The following NDUFB10 variants were observed in gnomAD, a reference collection of about 807,000 sequenced individuals.
The protein encoded by NDUFB10 is NADH dehydrogenase [ubiquinone] 1 beta subcomplex subunit 10.
NDUFB10 carries 23 observed loss-of-function variants against 19.0 expected under a neutral mutation model. The ratio of observed to expected loss-of-function variants is 1.21; its 90% CI spans 0.87 to 1.71. The LOEUF (loss-of-function observed/expected upper bound fraction) is 1.71. NDUFB10 is among the 40% of genes most tolerant of loss of function. The pLI is 0.00. For missense variants in NDUFB10, 312 were observed against 230.6 expected (o/e 1.35, Z -2.29); for synonymous variants, 104 against 81.8 (o/e 1.27, Z -1.46).
chr16:1,960,859 C>T (rs1028509901), intron 1 of NDUFB10, among the ~76,000 whole-genome samples: 2 of 152,202 alleles, frequency 1.3e-5, no homozygotes, highest in African/African-American at 2.4e-5. Context: ...CCAGTCCTTG[C>T]CATCTGTGAG....
chr16:1,960,894 G>T (rs928120319), intron 1 of NDUFB10, among the ~76,000 whole-genome samples: 2 of 152,218 alleles, frequency 1.3e-5, no homozygotes, highest in Non-Finnish European at 2.9e-5. Context: ...AGGCTTGTGT[G>T]GGGGACAGAG....
Position 1,961,643 on chromosome 16 carries a change from G to GGGCCCCCCCCCCCCCCCCCCCCCCCCCC in NDUFB10, c.409+7_409+8insGGCCCCCCCCCCCCCCCCCCCCCCCCCC. 1 of 1,547,196 alleles carries GGGCCCCCCCCCCCCCCCCCCCCCCCCCC rather than the reference G, an allele frequency of 6.5e-7. No homozygotes were observed. The highest frequency in any genetic ancestry group is 8.8e-7 in the Non-Finnish European group (1 of 1,141,054). ...AAGGCCTACCAGGACCGCTGTGCGT[G>GGGCCCCCCCCCCCCCCCCCCCCCCCCCC]CCCCACCCACCCCCAACCCCCCACC... On this transcript the variant is annotated splice_region_variant and intron_variant, in intron 3 of 3. Transcript: ENST00000268668.
At chr16:1,959,903 C>T in intron 1 of NDUFB10, 149 bp downstream of exon 1, 5 of 1,077,712 alleles carry the variant, frequency 4.6e-6, no homozygotes, top group Non-Finnish European at 6.6e-6. Flanking sequence ...CCCCCGGAGA[C>T]CTCCGAGCTC....
chr16:1,960,877 T>A (rs2083249170), intron 1 of NDUFB10, among the ~76,000 whole-genome samples: 1 of 152,224 alleles, frequency 6.6e-6, no homozygotes, highest in Admixed American at 6.5e-5. Flanking sequence ...GAGAAGCAGC[T>A]GCCTGTAGGC....
intron 2 of NDUFB10, 94 bp from the exon 3 acceptor site, chr16:1,961,403 G>A: frequency 6.3e-7 from 1 of 1,594,722 alleles, no homozygotes; most frequent in South Asian, 1.1e-5. Context: ...CATGGGAGGA[G>A]CCAGACCCCA....
intron 1 of NDUFB10, 87 bp downstream of exon 1, chr16:1,959,841 G>T: frequency 1.9e-6 from 3 of 1,553,518 alleles, no homozygotes; most frequent in Non-Finnish European, 1.8e-6. Flanking sequence ...ATGCCTCCGG[G>T]GTCCCGTCTG....
intron 1 of NDUFB10, among the ~76,000 whole-genome samples, 181 bp from the exon 2 acceptor site, chr16:1,960,972 T>C (rs572349719): frequency 6.6e-6 from 1 of 152,344 alleles, no homozygotes; most frequent in African/African-American, 2.4e-5. Context: ...AGCTGTAGCC[T>C]AGGCCTTCAC....
intron 3 of NDUFB10, 49 bp from the exon 4 acceptor site, chr16:1,961,748 G>A (rs1230590781): frequency 6.5e-7 from 1 of 1,533,798 alleles, no homozygotes; most frequent in South Asian, 1.2e-5. Flanking sequence ...TGCCCCCTTT[G>A]CATGTAGCAG....
chr16:1,959,682 C>T lies in NDUFB10; in HGVS notation c.58C>T (p.Gln20Ter). 1 of 1,613,370 alleles carries T rather than the reference C, an allele frequency of 6.2e-7. No individual in the cohort carries two copies. Among genetic ancestry groups the T allele is most frequent in the Non-Finnish European group, 8.5e-7 (1 of 1,179,762 alleles). The stretch of plus-strand genomic sequence containing the variant: ...TGAGCCCCCGCGCCGCACGCCGGTG[C>T]AGCCCAATCCCATCGTCTACATGAT... ...YPEPPRRTPV[Q>*]PNPIVYMMKA... The change falls in exon 1 of 4, where the codon CAG becomes TAG. Residue 20 changes from glutamine to a stop codon, truncating the protein, a stop_gained. Transcript: ENST00000268668. LOFTEE classifies it high-confidence loss of function.
chr16:1,961,739 G>GC (rs2083257643), intron 3 of NDUFB10, 58 bp from the exon 4 acceptor site: 1 of 1,461,258 alleles, frequency 6.8e-7, no homozygotes, highest in South Asian at 1.2e-5. Flanking sequence ...ACTTGACTTT[G>GC]CCCCCTTTGC....
At chr16:1,960,795 G>A (rs550377577) in intron 1 of NDUFB10, among the ~76,000 whole-genome samples, 13 of 152,318 alleles carry the variant, frequency 8.5e-5, no homozygotes, top group African/African-American at 2.4e-4. Context: ...GCCTCTTTGC[G>A]CACCCAGCAG....
At position 1,961,643 on chromosome 16, in the gene NDUFB10, G is replaced by GGGCGCCCCCCC; in HGVS notation, c.409+7_409+8insGGCGCCCCCCC. The GGGCGCCCCCCC allele has an allele frequency of 6.5e-7, 1 of 1,547,244 alleles. No homozygotes were observed. Among genetic ancestry groups the GGGCGCCCCCCC allele is most frequent in the Non-Finnish European group, 8.8e-7 (1 of 1,141,076 alleles). On this transcript the variant is annotated splice_region_variant and intron_variant, in intron 3 of 3. Coordinates refer to ENST00000268668, the MANE Select transcript of NDUFB10 (RefSeq NM_004548.3). ...AAGGCCTACCAGGACCGCTGTGCGTGCCCCACCCACCCCCAACCCCCCACC... is the reference window on the plus strand; with the variant it reads ...AAGGCCTACCAGGACCGCTGTGCGTGGGCGCCCCCCCCCCCACCCACCCCCAACCCCCCACC...
At chr16:1,960,114 C>T (rs1029273608) in intron 1 of NDUFB10, among the ~76,000 whole-genome samples, 2 of 152,206 alleles carry the variant, frequency 1.3e-5, no homozygotes, top group African/African-American at 4.8e-5. Context: ...TGGCCTCAGG[C>T]CTCTCTCAAA....
At position 1,961,203 on chromosome 16, in the gene NDUFB10, C is replaced by T; in HGVS notation, c.181C>T (p.Gln61Ter). Residue 61 changes from glutamine to a stop codon, truncating the protein, a stop_gained, in exon 2 of 4, where the codon CAG (glutamine) becomes TAG (stop). Transcript: ENST00000268668. LOFTEE classifies it high-confidence loss of function. ...AKNRYYYYHR[Q>*]YRRVPDITEC... ...GAACAGGTATTACTACTACCACCGGCAGTACCGCCGCGTGCCAGACATCAC... is the reference window on the plus strand; with the variant it reads ...GAACAGGTATTACTACTACCACCGGTAGTACCGCCGCGTGCCAGACATCAC... 2 of 1,614,110 alleles carry T rather than the reference C, an allele frequency of 1.2e-6. No individual in the cohort carries two copies. The highest frequency in any genetic ancestry group is 1.7e-6 in the Non-Finnish European group (2 of 1,180,020).
intron 3 of NDUFB10, 30 bp from the exon 4 acceptor site, chr16:1,961,767 G>A: frequency 6.5e-7 from 1 of 1,547,270 alleles, no homozygotes; most frequent in Non-Finnish European, 8.7e-7. Context: ...AGAGGCCTCG[G>A]TTCCCAGCTT....
At position 1,959,658 on chromosome 16, in the gene NDUFB10, G is replaced by C; in HGVS notation, c.34G>C (p.Glu12Gln). ...CAGCTGGGACAAGGATGTGTACCCT[G>C]AGCCCCCGCGCCGCACGCCGGTGCA... The part of the protein sequence containing the change: ...PDSWDKDVYP[E>Q]PPRRTPVQPN... The change falls in exon 1 of 4, where the codon GAG becomes CAG. Residue 12 changes from glutamate (E) to glutamine (Q), a missense_variant. Glu to Gln is a conservative substitution (Grantham distance 29). Coordinates refer to ENST00000268668, the MANE Select transcript of NDUFB10 (RefSeq NM_004548.3). 6.2e-7 allele frequency: 1 copy of C among 1,613,006 alleles called. No homozygotes were observed. The highest frequency in any genetic ancestry group is 8.5e-7 in the Non-Finnish European group (1 of 1,179,708).
intron 2 of NDUFB10, 102 bp from the exon 3 acceptor site, chr16:1,961,395 T>A (rs2083253617): frequency 1.3e-6 from 2 of 1,594,648 alleles, no homozygotes; most frequent in Non-Finnish European, 1.7e-6. Flanking sequence ...AGGGGTGACA[T>A]GGGAGGAGCC....
chr16:1,961,755 G>A, intron 3 of NDUFB10, 42 bp from the exon 4 acceptor site: 1 of 1,540,468 alleles, frequency 6.5e-7, no homozygotes, highest in Admixed American at 2.0e-5. Flanking sequence ...TTTGCATGTA[G>A]CAGAGGCCTC....
chr16:1,960,051 C>T (rs988175510), intron 1 of NDUFB10, among the ~76,000 whole-genome samples: 5 of 151,762 alleles, frequency 3.3e-5, no homozygotes, highest in Non-Finnish European at 7.4e-5. Flanking sequence ...TGCCCCAGGA[C>T]CCCGCACTGC....
Sources: gnomAD v4.1 joint callset for allele counts (sites outside exome capture counted in the v4.1 genomes callset) on GRCh38, gnomAD v4.1.1 for gene constraint, MANE v1.5 for transcripts, NCBI Gene and HGNC (gene_info 2026-07-23, HGNC 2026-07-21) for gene names.